RAD50: variants seen among roughly 807,000 people sequenced by gnomAD.
The protein encoded by RAD50 is RAD50 double strand break repair protein, also known as DNA repair protein RAD50.
A neutral mutation model predicts 168.8 loss-of-function variants in RAD50; 132 were observed. That is an observed-to-expected ratio of 0.78 (90% CI 0.68 to 0.90). RAD50 has a LOEUF of 0.90. Ranked by LOEUF, RAD50 falls within the 40% of genes least tolerant of loss-of-function variation. The pLI is 0.00. For missense variants in RAD50, 1,347 were observed against 1,534.4 expected, an observed-to-expected ratio of 0.88 and a Z score of 2.04; for synonymous variants, 525 against 497.4, an observed-to-expected ratio of 1.06 and a Z score of -0.74.
At chr5:132,608,466 A>G in intron 16 of RAD50, 149 bp from the exon 17 acceptor site, 1 of 601,646 alleles carries the variant, frequency 1.7e-6, no homozygotes, top group Non-Finnish European at 2.9e-6. Flanking sequence ...AAATGATGGT[A>G]CTGTCCTCAT....
In RAD50 at chr5:132,631,101, G is replaced by A. The variant is rs1227121496; in HGVS notation, c.3390-6014G>A. Reference sequence around the variant, plus strand: ...TAATTTATAAATCATTATTTTCTGAGCTCCGAGAGAGTCTCACTTTTTTTT... The same window carrying A: ...TAATTTATAAATCATTATTTTCTGAACTCCGAGAGAGTCTCACTTTTTTTT... On this transcript the variant is annotated intron_variant, in intron 21 of 24. Coordinates refer to ENST00000378823, the MANE Select transcript of RAD50 (RefSeq NM_005732.4). Among the ~76,000 whole-genome samples, 3 of 150,000 alleles carry A rather than the reference G, an allele frequency of 2.0e-5. No individual in the cohort carries two copies. In the East Asian group the frequency reaches 5.8e-4, roughly 29 times the overall value.
chr5:132,612,209 GAATGAACCCTT>G (rs1346942237), intron 19 of RAD50, among the ~76,000 whole-genome samples: 1 of 152,158 alleles, frequency 6.6e-6, no homozygotes, highest in African/African-American at 2.4e-5. Flanking sequence ...GCTACCACAT[GAATGAACCCTT>G]AAAACATGCT....
chr5:132,612,677 A>G (rs1405335429), intron 19 of RAD50, among the ~76,000 whole-genome samples: 3 of 152,042 alleles, frequency 2.0e-5, no homozygotes, highest in African/African-American at 7.2e-5. Context: ...TCTACAAAAA[A>G]ATTAGCCAGG....
intron 16 of RAD50, among the ~76,000 whole-genome samples, 191 bp downstream of exon 16, chr5:132,605,190 G>A (rs997296607): frequency 3.3e-5 from 5 of 151,926 alleles, no homozygotes; most frequent in South Asian, 2.1e-4. Flanking sequence ...GATTACAGGC[G>A]TGCACCACCA....
In RAD50 at chr5:132,589,662, A is replaced by G. The variant is rs145428112; in HGVS notation, c.1277A>G (p.Gln426Arg). The change falls in exon 9 of 25, where the codon CAA becomes CGA. Residue 426 changes from glutamine (Q) to arginine (R), a missense_variant. By Grantham distance (43) the Gln-to-Arg change is conservative. This residue lies in a region of RAD50 where 703 missense variants were observed against 767.7 expected (regional missense o/e 0.92). Transcript: ENST00000378823. ...NDFAEKETLK[Q>R]KQIDEIRDKK... Reference sequence around the variant, plus strand: ...TTTGCAGAAAAAGAGACTCTGAAACAAAAACAGATAGATGAGATAAGAGAT... The same window carrying G: ...TTTGCAGAAAAAGAGACTCTGAAACGAAAACAGATAGATGAGATAAGAGAT... The G allele has an allele frequency of 1.7e-4, 269 of 1,602,748 alleles. No individual in the cohort carries two copies. Among genetic ancestry groups the G allele is most frequent in the Non-Finnish European group, 2.2e-4 (255 of 1,175,300 alleles).
rs551225405 is a variant in RAD50, at chr5:132,580,525, T to A, written c.756+459T>A. Reference sequence around the variant, plus strand: ...ATATCATTACCCAACCTTACAGTTCTGTATTAATATTTTTAAAAATTGACA... The same window carrying A: ...ATATCATTACCCAACCTTACAGTTCAGTATTAATATTTTTAAAAATTGACA... On this transcript the variant is annotated intron_variant, in intron 5 of 24. Coordinates refer to ENST00000378823, the MANE Select transcript of RAD50 (RefSeq NM_005732.4). 3.3e-5 allele frequency among the ~76,000 whole-genome samples: 5 copies of A among 152,330 alleles called. No homozygotes were observed. The South Asian group carries it at 1.0e-3, about 32-fold the overall frequency.
chr5:132,617,973 A>G, intron 20 of RAD50, 97 bp from the exon 21 acceptor site: 1 of 1,002,882 alleles, frequency 1.0e-6, no homozygotes, highest in Non-Finnish European at 1.6e-6. Context: ...GCTAAGGAGA[A>G]TGATACTTAA....
At chr5:132,566,460 A>G (rs1228305428) in intron 2 of RAD50, among the ~76,000 whole-genome samples, 9 of 152,188 alleles carry the variant, frequency 5.9e-5, no homozygotes, top group Non-Finnish European at 1.2e-4. Context: ...AAAGCTTTAT[A>G]CTGACCTCTG....
chr5:132,624,165 C>G (rs952385019), intron 21 of RAD50, among the ~76,000 whole-genome samples: 23 of 151,860 alleles, frequency 1.5e-4, no homozygotes, highest in Non-Finnish European at 1.6e-4. Context: ...TACAATGTTC[C>G]CTGGGTCCAA....
At chr5:132,573,433 C>T (rs778252090) in intron 2 of RAD50, among the ~76,000 whole-genome samples, 22 of 152,210 alleles carry the variant, frequency 1.4e-4, no homozygotes, top group Non-Finnish European at 2.6e-4. Context: ...ATGAGAACAG[C>T]ACAGGAAAGA....
chr5:132,616,421 T>C (rs894326198), intron 20 of RAD50, among the ~76,000 whole-genome samples: 19 of 152,218 alleles, frequency 1.2e-4, no homozygotes, highest in Admixed American at 9.8e-4. Context: ...ATAGTGGTAC[T>C]AAGCATAAAG....
intron 2 of RAD50, among the ~76,000 whole-genome samples, chr5:132,565,692 TCTCTA>T (rs1181435671): frequency 6.6e-6 from 1 of 152,112 alleles, no homozygotes; most frequent in Non-Finnish European, 1.5e-5. Flanking sequence ...AAGAATGCCG[TCTCTA>T]CTCTATGATC....
intron 3 of RAD50, among the ~76,000 whole-genome samples, chr5:132,578,765 G>A (rs941067920): frequency 1.3e-5 from 2 of 151,854 alleles, no homozygotes; most frequent in Admixed American, 6.6e-5. Flanking sequence ...CTGACCTCAG[G>A]TGATCCATTC....
At chr5:132,640,425 G>A (rs985443758) in intron 23 of RAD50, among the ~76,000 whole-genome samples, 6 of 152,220 alleles carry the variant, frequency 3.9e-5, no homozygotes, top group Non-Finnish European at 5.9e-5. Context: ...TTATGTGAGA[G>A]CATCAGCGTT....
rs1751826723 is a variant in RAD50 at position 132,645,300 on chromosome 5, T to C, written c.*2936T>C. Reference sequence around the variant, plus strand: ...TACTTCTCTCCTTATTCAACTTAAATTCCATGGCTCATCATTATGTCACCC... The same window carrying C: ...TACTTCTCTCCTTATTCAACTTAAACTCCATGGCTCATCATTATGTCACCC... On this transcript the variant is annotated 3_prime_UTR_variant, in exon 25 of 25. Coordinates refer to ENST00000378823, the MANE Select transcript of RAD50 (RefSeq NM_005732.4). 1 of 152,234 alleles carries C rather than the reference T, an allele frequency of 6.6e-6. No homozygotes were observed. The highest frequency in any genetic ancestry group is 2.4e-5 in the African/African-American group (1 of 41,444). 9.4% of individuals were successfully genotyped at this position (152,234 alleles called of 1,614,324 possible).
chr5:132,604,655 G>A (rs542218272), intron 15 of RAD50, 151 bp from the exon 16 acceptor site: 13 of 686,684 alleles, frequency 1.9e-5, no homozygotes, highest in Middle Eastern at 4.0e-4. Flanking sequence ...TTGAGAACTA[G>A]CAGGGTTCTC....
At chr5:132,613,114 C>G (rs1364596713) in intron 19 of RAD50, among the ~76,000 whole-genome samples, 1 of 151,884 alleles carries the variant, frequency 6.6e-6, no homozygotes, top group Non-Finnish European at 1.5e-5. Flanking sequence ...TTTTATGTTT[C>G]CATAGGTGAC....
At chr5:132,588,218 C>A in intron 7 of RAD50, 129 bp downstream of exon 7, 1 of 1,078,814 alleles carries the variant, frequency 9.3e-7, no homozygotes, top group Non-Finnish European at 1.3e-6. Flanking sequence ...CAGTATGTTT[C>A]CATTTATATA....
At chr5:132,596,860 A>G (rs1750799856) in intron 13 of RAD50, among the ~76,000 whole-genome samples, 1 of 152,224 alleles carries the variant, frequency 6.6e-6, no homozygotes, top group Non-Finnish European at 1.5e-5. Flanking sequence ...CAGGAAGAGG[A>G]ATATAAGACC....
Sources: gnomAD v4.1 joint callset for allele counts (sites outside exome capture counted in the v4.1 genomes callset) on GRCh38, gnomAD v4.1.1 for gene constraint, gnomAD v4.1.1 regional missense constraint, MANE v1.5 for transcripts, NCBI Gene and HGNC (gene_info 2026-07-23, HGNC 2026-07-21) for gene names.